Variants in SPAG16 observed in about 807,000 individuals in gnomAD.
SPAG16 encodes the protein sperm associated antigen 16, also known as sperm-associated antigen 16 protein.
A neutral mutation model predicts 80.4 loss-of-function variants in SPAG16; 86 were observed. The ratio of observed to expected loss-of-function variants is 1.07; its 90% confidence interval spans 0.90 to 1.28. SPAG16 has a LOEUF of 1.28. Ranked by LOEUF, SPAG16 falls within the 50% of genes most tolerant of loss-of-function variation. The pLI is 0.00. For missense variants in SPAG16, 870 were observed against 765.3 expected (o/e 1.14, Z -1.61); for synonymous variants, 294 against 265.9 (o/e 1.11, Z -1.03).
In SPAG16 at chr2:213,959,302, T is replaced by A. The variant is rs374700686; in HGVS notation, c.1400+29157T>A. ...GTTTATATTCCTGTCTTTCACTACA[T>A]GTGGTGTCATAAATTTGTGTAATAT... On this transcript the variant is annotated intron_variant, in intron 12 of 15. Coordinates refer to ENST00000331683, the MANE Select transcript of SPAG16 (RefSeq NM_024532.5). 2.7e-4 allele frequency among the ~76,000 whole-genome samples: 41 copies of A among 152,352 alleles called. No individual in the cohort carries two copies. The East Asian group carries it at 5.0e-3, about 19-fold the overall frequency.
chr2:214,108,097 A>C, intron 13 of SPAG16, 99 bp from the exon 14 acceptor site: 1 of 815,432 alleles, frequency 1.2e-6, no homozygotes, highest in Non-Finnish European at 2.0e-6. Context: ...TTCTGGGAGG[A>C]GGGGCTAAAA....
rs2067986129 is a variant in SPAG16 at position 213,395,486 on chromosome 2, T to C, written c.942+20367T>C. ...GTCTTCCTCTTTGACGTATAGATTATTTAGAAGTGTGCTGTTTAATTTCCA... is the reference window on the plus strand; with the variant it reads ...GTCTTCCTCTTTGACGTATAGATTACTTAGAAGTGTGCTGTTTAATTTCCA... On this transcript the variant is annotated intron_variant, in intron 9 of 15. Coordinates refer to ENST00000331683, the MANE Select transcript of SPAG16 (RefSeq NM_024532.5). Among the ~76,000 whole-genome samples the C allele has an allele frequency of 5.9e-5, 9 of 152,328 alleles. No individual in the cohort carries two copies. The South Asian group carries it at 1.9e-3, about 32-fold the overall frequency.
chr2:213,383,591 G>A (rs955750768), intron 9 of SPAG16, among the ~76,000 whole-genome samples: 2 of 152,090 alleles, frequency 1.3e-5, no homozygotes, highest in Admixed American at 1.3e-4. Flanking sequence ...GGCAGCAGTG[G>A]GTTCCTATTA....
At chr2:213,612,261 T>C (rs905557289) in intron 10 of SPAG16, among the ~76,000 whole-genome samples, 1 of 152,206 alleles carries the variant, frequency 6.6e-6, no homozygotes. Context: ...GGTGTTCAAA[T>C]AACATTCAGA....
chr2:213,703,623 C>T (rs1443462048), intron 10 of SPAG16, among the ~76,000 whole-genome samples: 1 of 152,172 alleles, frequency 6.6e-6, no homozygotes, highest in Non-Finnish European at 1.5e-5. Context: ...ATCAGCTCCC[C>T]TTTCAAGAAA....
chr2:213,916,049 C>T (rs1231188644), intron 11 of SPAG16, among the ~76,000 whole-genome samples: 1 of 152,166 alleles, frequency 6.6e-6, no homozygotes, highest in African/African-American at 2.4e-5. Context: ...AAAATTTTCT[C>T]CCATTCTGTA....
At chr2:213,392,759 T>C (rs2067822040) in intron 9 of SPAG16, among the ~76,000 whole-genome samples, 1 of 151,860 alleles carries the variant, frequency 6.6e-6, no homozygotes, top group African/African-American at 2.4e-5. Context: ...AAGCAGAGAA[T>C]TGCTTGAACC....
chr2:214,341,749 A>G (rs1019314103), intron 15 of SPAG16, among the ~76,000 whole-genome samples: 5 of 152,338 alleles, frequency 3.3e-5, no homozygotes, highest in East Asian at 1.9e-4. Flanking sequence ...TTGATGTTCA[A>G]TTCACTTTTT....
intron 10 of SPAG16, among the ~76,000 whole-genome samples, chr2:213,633,416 G>T (rs539860204): frequency 2.0e-5 from 3 of 151,984 alleles, no homozygotes; most frequent in Non-Finnish European, 4.4e-5. Flanking sequence ...TTTTTTGAAC[G>T]TTTTAAGACT....
At chr2:214,003,265 T>A (rs915529086) in intron 12 of SPAG16, among the ~76,000 whole-genome samples, 7 of 152,198 alleles carry the variant, frequency 4.6e-5, no homozygotes, top group Non-Finnish European at 1.0e-4. Flanking sequence ...TAAATTAATT[T>A]TCTAGATAGT....
chr2:214,237,302 G>C (rs1044404000), intron 15 of SPAG16, among the ~76,000 whole-genome samples: 6 of 151,526 alleles, frequency 4.0e-5, no homozygotes, highest in African/African-American at 1.5e-4. Context: ...AATAGTGTTT[G>C]ATAAATTGAC....
intron 9 of SPAG16, among the ~76,000 whole-genome samples, chr2:213,375,893 T>C (rs1575417350): frequency 6.6e-6 from 1 of 151,270 alleles, no homozygotes; most frequent in Admixed American, 6.6e-5. Context: ...TTTTTCTCTC[T>C]AAAACATGCA....
chr2:213,770,608 G>T (rs2457183), intron 10 of SPAG16, among the ~76,000 whole-genome samples: 1 of 151,780 alleles, frequency 6.6e-6, no homozygotes, highest in African/African-American at 2.4e-5. Context: ...CTGATAATAT[G>T]CTTCCCCTAA....
At chr2:213,480,585 T>A (rs2073696773) in intron 9 of SPAG16, among the ~76,000 whole-genome samples, 1 of 152,240 alleles carries the variant, frequency 6.6e-6, no homozygotes, top group Admixed American at 6.5e-5. Context: ...CAAAAGCTGT[T>A]ACATTAATTC....
intron 12 of SPAG16, among the ~76,000 whole-genome samples, chr2:213,939,598 G>A (rs2079118716): frequency 6.6e-6 from 1 of 152,098 alleles, no homozygotes; most frequent in Admixed American, 6.6e-5. Flanking sequence ...ACTTGCATTA[G>A]GATTCTTTTC....
intron 10 of SPAG16, among the ~76,000 whole-genome samples, chr2:213,716,955 G>C (rs77390497): frequency 0.028 from 4,326 of 151,880 alleles, 110 homozygotes; most frequent in Non-Finnish European, 0.039. Context: ...CACATCCTTT[G>C]GTTCATAGTT....
At chr2:214,260,847 C>A (rs1426255728) in intron 15 of SPAG16, among the ~76,000 whole-genome samples, 4 of 152,018 alleles carry the variant, frequency 2.6e-5, no homozygotes, top group African/African-American at 9.7e-5. Context: ...TGGCTCACAA[C>A]TGTAATCCCA....
chr2:213,293,875 C>G (rs1011115773), intron 1 of SPAG16, among the ~76,000 whole-genome samples: 1 of 152,156 alleles, frequency 6.6e-6, no homozygotes. Context: ...TTACCACACC[C>G]AAGCTAATTA....
At chr2:214,055,570 AG>A in intron 13 of SPAG16, among the ~76,000 whole-genome samples, 1 of 152,160 alleles carries the variant, frequency 6.6e-6, no homozygotes, top group East Asian at 1.9e-4. Flanking sequence ...TTACAGAGGG[AG>A]CATGTCTTAA....
Sources: gnomAD v4.1 joint callset for allele counts (sites outside exome capture counted in the v4.1 genomes callset) on GRCh38, gnomAD v4.1.1 for gene constraint, MANE v1.5 for transcripts, NCBI Gene and HGNC (gene_info 2026-07-23, HGNC 2026-07-21) for gene names.